SLC1A4: variants seen among roughly 807,000 people sequenced by gnomAD.
SLC1A4 encodes the protein solute carrier family 1 member 4, also known as neutral amino acid transporter A.
In SLC1A4, 19 loss-of-function variants were observed where a neutral mutation model predicts 37.7. The observed-to-expected ratio is 0.50, with a 90% CI of 0.35 to 0.74. The LOEUF is 0.74. Ranked by LOEUF, SLC1A4 falls within the 30% of genes least tolerant of loss-of-function variation. SLC1A4 has a pLI of 0.01. For synonymous variants in SLC1A4, 299 were observed against 309.8 expected (o/e 0.97, Z 0.37); for missense variants, 570 against 712.9 (o/e 0.80, Z 2.28).
chr2:65,010,445 C>T (rs1274713860), intron 3 of SLC1A4, 152 bp from the exon 4 acceptor site: 1 of 653,134 alleles, frequency 1.5e-6, no homozygotes, highest in Non-Finnish European at 2.5e-6. Flanking sequence ...GTTTCCTACC[C>T]CTTTATTTGC....
chr2:65,016,587 T>C lies in SLC1A4; in HGVS notation c.948T>C (p.Ile316=). The change falls in exon 5 of 8, where the codon ATT becomes ATC. Residue 316 remains isoleucine, a synonymous_variant. Coordinates refer to ENST00000234256, the MANE Select transcript of SLC1A4 (RefSeq NM_003038.5). ...ATGGAGGAATTGTTCTGCCACTTAT[T>C]TATTTTGTTTTCACACGAAAAAACC... ...VIHGGIVLPL[I]YFVFTRKNPF... is the part of the protein sequence containing the mutation. 1 of 1,614,208 alleles carries C rather than the reference T, an allele frequency of 6.2e-7. No individual in the cohort carries two copies. Among genetic ancestry groups the C allele is most frequent in the South Asian group, 1.1e-5 (1 of 91,086 alleles).
intron 1 of SLC1A4, among the ~76,000 whole-genome samples, chr2:64,994,213 C>T (rs1175568589): frequency 6.6e-6 from 1 of 152,190 alleles, no homozygotes; most frequent in East Asian, 1.9e-4. Flanking sequence ...GACAGAAGTC[C>T]CCACAGATTC....
chr2:64,989,124 G>A (rs542941909), upstream of SLC1A4, among the ~76,000 whole-genome samples: 16 of 152,070 alleles, frequency 1.1e-4, no homozygotes, highest in East Asian at 3.9e-4. Flanking sequence ...TCCGTTAGCC[G>A]GGCGGGTAGG....
intron 2 of SLC1A4, among the ~76,000 whole-genome samples, chr2:65,002,927 G>A (rs1184827684): frequency 1.3e-5 from 2 of 151,882 alleles, no homozygotes. Flanking sequence ...TAGATTATAT[G>A]GTCTAATCTG....
chr2:64,989,903 G>A lies in SLC1A4; in HGVS notation c.260G>A (p.Arg87His), dbSNP rs1422856701. The A allele has an allele frequency of 1.3e-6, 2 of 1,555,652 alleles. No homozygotes were observed. Among genetic ancestry groups the A allele is most frequent in the Admixed American group, 1.9e-5 (1 of 52,858 alleles). ...GGCGAGATGCTGCTCCGCATGCTGC[G>A]CATGATCATCCTGCCGCTGGTGGTC... ...FPGEMLLRMLRMIILPLVVCS... is the reference protein window; with the variant it reads ...FPGEMLLRMLHMIILPLVVCS... Residue 87 changes from arginine (R) to histidine (H), a missense_variant, in exon 1 of 8, where the codon CGC (arginine) becomes CAC (histidine). By Grantham distance (29) the Arg-to-His change is conservative. Transcript: ENST00000234256.
In SLC1A4 at chr2:65,018,477, G is replaced by A. The variant is rs149811865; in HGVS notation, c.1230-68G>A. On this transcript the variant is annotated intron_variant, in intron 6 of 7. Coordinates refer to ENST00000234256, the MANE Select transcript of SLC1A4 (RefSeq NM_003038.5). This position sits in a 1 kb window ranked among gnomAD's most constrained non-coding sequence, Gnocchi z 4.3. ...GTTTCCAGCCACATTGCAGCTGCAT[G>A]GTCTGCATTTCTCTGTGTCCACTCC... 2,475 of 1,586,448 alleles carry A rather than the reference G, an allele frequency of 1.6e-3. 3 individuals carry two copies. Among genetic ancestry groups the A allele is most frequent in the African/African-American group, 2.6e-3 (194 of 74,442 alleles).
At chr2:65,008,032 A>G (rs1673755949) in intron 3 of SLC1A4, among the ~76,000 whole-genome samples, 1 of 152,140 alleles carries the variant, frequency 6.6e-6, no homozygotes, top group East Asian at 1.9e-4. Context: ...CTTTGTCTTC[A>G]TGAGATCCAC....
intron 1 of SLC1A4, among the ~76,000 whole-genome samples, chr2:64,997,544 T>C (rs1558515041): frequency 6.6e-6 from 1 of 152,198 alleles, no homozygotes; most frequent in African/African-American, 2.4e-5. Context: ...TTTCTAGAGT[T>C]TCATATCAAC....
At chr2:64,992,752 T>C (rs148841860) in intron 1 of SLC1A4, among the ~76,000 whole-genome samples, 97 of 152,242 alleles carry the variant, frequency 6.4e-4, no homozygotes, top group African/African-American at 2.1e-3. Flanking sequence ...CTAGTGTGGC[T>C]ATCTCAGAAA....
In SLC1A4 at chr2:65,016,623, C is replaced by T; in HGVS notation, c.984C>T (p.Phe328=). The change falls in exon 5 of 8, where the codon TTC becomes TTT. Residue 328 remains phenylalanine (F), a synonymous_variant. Transcript: ENST00000234256. The stretch of plus-strand genomic sequence containing the variant: ...TCACACGAAAAAACCCATTCAGATT[C>T]CTCCTGGGCCTCCTCGCCCCATTTG... The part of the protein sequence containing the change: ...FVFTRKNPFR[F]LLGLLAPFAT... 6.2e-7 allele frequency: 1 copy of T among 1,614,186 alleles called. No individual in the cohort carries two copies.
At chr2:65,000,274 G>A (rs1251969329) in intron 1 of SLC1A4, 1 of 152,110 alleles carries the variant, frequency 6.6e-6, no homozygotes, top group African/African-American at 2.4e-5. Flanking sequence ...CAGATTTTGG[G>A]CTCCATCAGC....
intron 4 of SLC1A4, among the ~76,000 whole-genome samples, chr2:65,013,147 AAT>A (rs1673985503): frequency 6.6e-6 from 1 of 152,204 alleles, no homozygotes; most frequent in Non-Finnish European, 1.5e-5. Flanking sequence ...ATTACAATTC[AAT>A]ATGAGATTTG....
At chr2:65,013,159 G>C (rs1277995191) in intron 4 of SLC1A4, among the ~76,000 whole-genome samples, 1 of 152,176 alleles carries the variant, frequency 6.6e-6, no homozygotes, top group East Asian at 1.9e-4. Context: ...TATGAGATTT[G>C]GGTGAGGACA....
At chr2:64,999,632 C>T (rs575071229) in intron 1 of SLC1A4, 1 of 152,142 alleles carries the variant, frequency 6.6e-6, no homozygotes, top group Admixed American at 6.5e-5. Context: ...TTCTTACCCA[C>T]AGGTCCACCT....
intron 1 of SLC1A4, among the ~76,000 whole-genome samples, chr2:64,991,965 T>G (rs1375959746): frequency 6.6e-6 from 1 of 152,186 alleles, no homozygotes; most frequent in Non-Finnish European, 1.5e-5. Flanking sequence ...CTGGTCTAGA[T>G]CACAGCCTTT....
chr2:64,989,906 T>G lies in SLC1A4; in HGVS notation c.263T>G (p.Met88Arg). The G allele has an allele frequency of 1.3e-6, 2 of 1,557,198 alleles. No homozygotes were observed. Among genetic ancestry groups the G allele is most frequent in the Non-Finnish European group, 1.7e-6 (2 of 1,154,218 alleles). Reference protein sequence around the residue: ...PGEMLLRMLRMIILPLVVCSL... With the variant: ...PGEMLLRMLRRIILPLVVCSL... The stretch of plus-strand genomic sequence containing the variant: ...GAGATGCTGCTCCGCATGCTGCGCA[T>G]GATCATCCTGCCGCTGGTGGTCTGC... Residue 88 changes from methionine to arginine, a missense_variant, in exon 1 of 8, where the codon ATG becomes AGG. By Grantham distance (91) the Met-to-Arg change is moderately conservative. Coordinates refer to ENST00000234256, the MANE Select transcript of SLC1A4 (RefSeq NM_003038.5).
At chr2:64,997,606 G>A (rs949461903) in intron 1 of SLC1A4, among the ~76,000 whole-genome samples, 2 of 152,308 alleles carry the variant, frequency 1.3e-5, no homozygotes, top group Non-Finnish European at 2.9e-5. Flanking sequence ...GCTCAGCACA[G>A]TGTTGCTGAG....
upstream of SLC1A4, among the ~76,000 whole-genome samples, chr2:64,989,149 A>G (rs1364142665): frequency 6.6e-6 from 1 of 151,576 alleles, no homozygotes; most frequent in Non-Finnish European, 1.5e-5. Context: ...TATTGGCGCC[A>G]GGATTGGCCG....
Position 65,023,325 on chromosome 2 carries a change from G to GTTGTGTGTT in SLC1A4, c.*2185_*2186insGTTTTGTGT, listed in dbSNP as rs1231504248. 1 of 151,664 alleles carries GTTGTGTGTT rather than the reference G, an allele frequency of 6.6e-6. No homozygotes were observed. The highest frequency in any genetic ancestry group is 1.5e-5 in the Non-Finnish European group (1 of 67,890). 9.4% of individuals were successfully genotyped at this position (151,664 alleles called of 1,614,324 possible). A position where few individuals can be genotyped will look rare whatever the true frequency, so the allele number is the denominator to read the frequency against. ...TATGTATATCTATACACACATGTGT[G>GTTGTGTGTT]TTGTGTATATGCATGTGTGTGTGTG... is the stretch of plus-strand genomic sequence containing the variant. On this transcript the variant is annotated 3_prime_UTR_variant, in exon 8 of 8. Coordinates refer to ENST00000234256, the MANE Select transcript of SLC1A4 (RefSeq NM_003038.5).
Sources: gnomAD v4.1 joint callset for allele counts (sites outside exome capture counted in the v4.1 genomes callset) on GRCh38, gnomAD v4.1.1 for gene constraint, Gnocchi (gnomAD v3.1) non-coding constraint, MANE v1.5 for transcripts, NCBI Gene and HGNC (gene_info 2026-07-23, HGNC 2026-07-21) for gene names.